GRM1: variants seen among roughly 807,000 people sequenced by gnomAD.
GRM1 encodes glutamate metabotropic receptor 1.
GRM1 carries 33 observed loss-of-function variants against 90.9 expected under a neutral mutation model. That is an observed-to-expected ratio of 0.36 (90% CI 0.28 to 0.49). The LOEUF is 0.49. Ranked by LOEUF, GRM1 falls within the 20% of genes least tolerant of loss-of-function variation. The pLI is 0.99. For synonymous variants in GRM1, 700 were observed against 613.2 expected (o/e 1.14, Z -2.09); for missense variants, 1,190 against 1,534.3 (o/e 0.78, Z 3.75).
chr6:146,136,089 A>C (rs1001867523), intron 1 of GRM1, among the ~76,000 whole-genome samples: 1 of 152,146 alleles, frequency 6.6e-6, no homozygotes, highest in East Asian at 1.9e-4. Flanking sequence ...AGTTCCATTC[A>C]TGTTGTTGGA....
At chr6:146,406,206 C>A (rs750385695) in intron 7 of GRM1, among the ~76,000 whole-genome samples, 1 of 152,150 alleles carries the variant, frequency 6.6e-6, no homozygotes, top group African/African-American at 2.4e-5. Context: ...TTAGCAGAGC[C>A]ATCTGACATT....
intron 1 of GRM1, among the ~76,000 whole-genome samples, chr6:146,154,801 C>T (rs570325848): frequency 2.0e-5 from 3 of 152,206 alleles, no homozygotes; most frequent in African/African-American, 7.2e-5. Flanking sequence ...AAATTGTGCA[C>T]CAAAAGTTAG....
intron 1 of GRM1, among the ~76,000 whole-genome samples, chr6:146,043,806 T>TATATAGATATATATAG (rs1259594372): frequency 1.4e-5 from 2 of 145,090 alleles, no homozygotes. Context: ...TATATATATA[T>TATATAGATATATATAG]ATATAAAGGG....
At chr6:146,398,627 A>T (rs1268102215) in intron 6 of GRM1, 142 bp from the exon 7 acceptor site, 4 of 734,540 alleles carry the variant, frequency 5.4e-6, no homozygotes, top group Non-Finnish European at 1.0e-5. Context: ...TATTTGTGTA[A>T]TAGTGTGCAT....
At position 146,434,917 on chromosome 6, in the gene GRM1, CGCT is replaced by C. The variant is rs1189546091; in HGVS notation, c.*133_*135del. The C allele has an allele frequency of 3.0e-5, 25 of 841,698 alleles. No homozygotes were observed. Among genetic ancestry groups the C allele is most frequent in the Non-Finnish European group, 4.3e-5 (22 of 510,088 alleles). 52.1% of individuals were successfully genotyped at this position (841,698 alleles called of 1,614,324 possible). Reference sequence around the variant, plus strand: ...GGGCCTCGTCGGGAGGACAGGAGACCGCTGCTGCTGCTGCCGCTACTGCTGCTG... The same window carrying C: ...GGGCCTCGTCGGGAGGACAGGAGACCGCTGCTGCTGCCGCTACTGCTGCTG... On this transcript the variant is annotated 3_prime_UTR_variant, in exon 8 of 8. Coordinates refer to ENST00000282753, the MANE Select transcript of GRM1 (RefSeq NM_001278064.2).
chr6:146,159,287 A>G (rs1777626140), intron 1 of GRM1, 61 bp from the exon 2 acceptor site: 12 of 1,605,504 alleles, frequency 7.5e-6, no homozygotes, highest in Admixed American at 5.0e-5. Flanking sequence ...TTGTTATTCC[A>G]TTGTGTAAGT....
chr6:146,053,049 A>G (rs1562431583), intron 1 of GRM1, among the ~76,000 whole-genome samples: 3 of 152,168 alleles, frequency 2.0e-5, no homozygotes, highest in Non-Finnish European at 4.4e-5. Context: ...CCTTTCTCCC[A>G]GATTCTGTAA....
At chr6:146,231,671 C>CTTTG (rs1391826531) in intron 2 of GRM1, among the ~76,000 whole-genome samples, 1 of 151,920 alleles carries the variant, frequency 6.6e-6, no homozygotes, top group South Asian at 2.1e-4. Context: ...ATCATCATAT[C>CTTTG]TTTGTTTGTT....
At chr6:146,325,630 T>C (rs1229270665) in intron 3 of GRM1, among the ~76,000 whole-genome samples, 1 of 152,226 alleles carries the variant, frequency 6.6e-6, no homozygotes, top group Non-Finnish European at 1.5e-5. Context: ...CGGCTAGGAA[T>C]CCCACATTCT....
chr6:146,049,075 G>T (rs1791433515), intron 1 of GRM1, among the ~76,000 whole-genome samples: 1 of 151,824 alleles, frequency 6.6e-6, no homozygotes, highest in Admixed American at 6.6e-5. Context: ...AGTGTTCACG[G>T]TGCAACTGAT....
intron 4 of GRM1, among the ~76,000 whole-genome samples, chr6:146,355,147 A>G (rs528939059): frequency 7.2e-5 from 11 of 152,234 alleles, no homozygotes; most frequent in Non-Finnish European, 1.2e-4. Context: ...ATCTGAAATA[A>G]AACACAAAAA....
intron 2 of GRM1, among the ~76,000 whole-genome samples, chr6:146,199,735 T>C (rs530452474): frequency 6.6e-6 from 1 of 152,188 alleles, no homozygotes; most frequent in Admixed American, 6.5e-5. Flanking sequence ...GTGCTAACTC[T>C]CACCGGGTAT....
chr6:146,210,200 A>G (rs563777169), intron 2 of GRM1, among the ~76,000 whole-genome samples: 1 of 152,316 alleles, frequency 6.6e-6, no homozygotes, highest in South Asian at 2.1e-4. Context: ...CTTGAGGGAC[A>G]AAAGAAAGAA....
rs1359181648 is a variant in GRM1, at chr6:146,321,215, T to C, written c.1186+16369T>C. Among the ~76,000 whole-genome samples, 4 of 152,346 alleles carry C rather than the reference T, an allele frequency of 2.6e-5. No homozygotes were observed. In the East Asian group the frequency reaches 7.7e-4, roughly 29 times the overall value. ...TCAAAGAACTTATTTATTTCTGCCT[T>C]AATTTAGTTATATACCCAGTAGTCA... On this transcript the variant is annotated intron_variant, in intron 3 of 7. Coordinates refer to ENST00000282753, the MANE Select transcript of GRM1 (RefSeq NM_001278064.2).
chr6:146,335,391 A>G (rs1483414157), intron 3 of GRM1, among the ~76,000 whole-genome samples: 1 of 152,220 alleles, frequency 6.6e-6, no homozygotes, highest in African/African-American at 2.4e-5. Flanking sequence ...AGTGACACAA[A>G]TTAGTAAAGT....
intron 1 of GRM1, among the ~76,000 whole-genome samples, chr6:146,142,717 T>C (rs1190928477): frequency 1.3e-5 from 2 of 152,014 alleles, no homozygotes; most frequent in East Asian, 1.9e-4. Flanking sequence ...CTGCCTATGT[T>C]CACTCAAGCC....
rs868185129 is a variant in GRM1, at chr6:146,382,327, A to T, written c.1603-4563A>T. 1.0e-3 allele frequency among the ~76,000 whole-genome samples: 159 copies of T among 151,752 alleles called. 2 individuals carry two copies. In the Middle Eastern group the frequency reaches 0.031, roughly 29 times the overall value. On this transcript the variant is annotated intron_variant, in intron 5 of 7. Transcript: ENST00000282753. ...AGATATAAGAACCTAAGATTTAAAAAAAAAAAAAAAACAACTTGTCTGAAT... is the reference window on the plus strand; with the variant it reads ...AGATATAAGAACCTAAGATTTAAAATAAAAAAAAAAACAACTTGTCTGAAT...
chr6:146,118,516 C>A (rs1434691593), intron 1 of GRM1, among the ~76,000 whole-genome samples: 4 of 152,120 alleles, frequency 2.6e-5, no homozygotes, highest in African/African-American at 9.7e-5. Context: ...TATATATGTG[C>A]CATGTTGGTG....
chr6:146,409,236 A>T (rs1777471363), intron 7 of GRM1, among the ~76,000 whole-genome samples: 1 of 152,178 alleles, frequency 6.6e-6, no homozygotes, highest in Non-Finnish European at 1.5e-5. Flanking sequence ...GTGAGCACGC[A>T]TGGTGAGTCT....
Sources: allele counts gnomAD v4.1 joint callset (sites outside exome capture counted in the v4.1 genomes callset), GRCh38; gene constraint gnomAD v4.1.1; transcripts MANE v1.5; gene names NCBI Gene and HGNC (gene_info 2026-07-23, HGNC 2026-07-21).